Variants in MIPOL1 observed in about 807,000 individuals in gnomAD.
The protein encoded by MIPOL1 is mirror-image polydactyly gene 1 protein.
MIPOL1 carries 57 observed loss-of-function variants against 60.9 expected under a neutral mutation model. The ratio of observed to expected loss-of-function variants is 0.94; its 90% confidence interval spans 0.76 to 1.17. The LOEUF (loss-of-function observed/expected upper bound fraction) is 1.17, where lower values mean the gene tolerates loss of function less well. Among genes scored for constraint, MIPOL1 ranks in the 50% most tolerant of loss-of-function variants. The pLI is 0.00. For synonymous variants in MIPOL1, 179 were observed against 168.8 expected (o/e 1.06, Z -0.47); for missense variants, 551 against 511.6 (o/e 1.08, Z -0.74).
chr14:37,381,758 T>A (rs891914355), intron 10 of MIPOL1, among the ~76,000 whole-genome samples: 28 of 151,798 alleles, frequency 1.8e-4, no homozygotes, highest in African/African-American at 2.7e-4. Flanking sequence ...AATTTTTTTT[T>A]TTTTTATTTT....
At chr14:37,383,078 A>C (rs942411446) in intron 10 of MIPOL1, among the ~76,000 whole-genome samples, 4 of 151,834 alleles carry the variant, frequency 2.6e-5, no homozygotes, top group Admixed American at 1.3e-4. Context: ...TTTTCTTTAG[A>C]AAATGTTAAC....
At chr14:37,449,101 G>C (rs553556774) in intron 11 of MIPOL1, among the ~76,000 whole-genome samples, 2 of 152,294 alleles carry the variant, frequency 1.3e-5, no homozygotes, top group South Asian at 2.1e-4. Flanking sequence ...CACTTGAGAA[G>C]TATTTTTTAC....
At chr14:37,409,448 T>G (rs2093645269) in intron 10 of MIPOL1, among the ~76,000 whole-genome samples, 1 of 152,030 alleles carries the variant, frequency 6.6e-6, no homozygotes, top group Admixed American at 6.5e-5. Flanking sequence ...TATTTAGAAC[T>G]AAAACACTCT....
chr14:37,408,170 C>T (rs1340479496), intron 10 of MIPOL1, among the ~76,000 whole-genome samples: 1 of 152,064 alleles, frequency 6.6e-6, no homozygotes, highest in African/African-American at 2.4e-5. Context: ...CCACACTCAA[C>T]TCTCCTAGTA....
At chr14:37,343,919 A>T (rs893712294) in intron 9 of MIPOL1, among the ~76,000 whole-genome samples, 7 of 152,142 alleles carry the variant, frequency 4.6e-5, no homozygotes, top group African/African-American at 1.7e-4. Context: ...AGCTGGTATC[A>T]TGAATCCTTA....
In MIPOL1 at chr14:37,550,152, A is replaced by G. The variant is rs145752461; in HGVS notation, c.*3181A>G. The stretch of plus-strand genomic sequence containing the variant: ...CAATGATAAAGTTGATCCTTTGTAT[A>G]TTTCCTTATTCAAATAAATTCAGTC... On this transcript the variant is annotated 3_prime_UTR_variant, in exon 13 of 13. Coordinates refer to ENST00000684589, the MANE Select transcript of MIPOL1 (RefSeq NM_001388067.1). 1.8e-4 allele frequency: 27 copies of G among 151,432 alleles called. No homozygotes were observed. The highest frequency in any genetic ancestry group is 5.8e-4 in the African/African-American group (24 of 41,510). The allele number at this position is 151,432 out of a possible 1,614,324, so 9.4% of individuals were successfully genotyped here.
At chr14:37,491,559 T>A (rs2095048581) in intron 11 of MIPOL1, among the ~76,000 whole-genome samples, 1 of 152,190 alleles carries the variant, frequency 6.6e-6, no homozygotes, top group African/African-American at 2.4e-5. Context: ...AGATATTTTT[T>A]AATGCTTCCT....
chr14:37,268,606 C>A, intron 4 of MIPOL1, 52 bp from the exon 5 acceptor site: 1 of 1,422,642 alleles, frequency 7.0e-7, no homozygotes, highest in Non-Finnish European at 9.5e-7. Flanking sequence ...TACAAAATGT[C>A]AAAAAATTAG....
chr14:37,433,909 CAT>C (rs1298572652), intron 11 of MIPOL1, among the ~76,000 whole-genome samples: 2 of 152,174 alleles, frequency 1.3e-5, no homozygotes, highest in African/African-American at 2.4e-5. Flanking sequence ...ATATGTGCTA[CAT>C]TTTCTTTATC....
chr14:37,288,349 G>A (rs1420758196), intron 7 of MIPOL1, among the ~76,000 whole-genome samples: 1 of 152,004 alleles, frequency 6.6e-6, no homozygotes, highest in Non-Finnish European at 1.5e-5. Flanking sequence ...TAGGGAGTGG[G>A]CTGATACAAA....
intron 11 of MIPOL1, among the ~76,000 whole-genome samples, chr14:37,469,094 A>G (rs983740276): frequency 1.3e-5 from 2 of 152,228 alleles, no homozygotes; most frequent in Non-Finnish European, 2.9e-5. Flanking sequence ...GGCAAAGAAC[A>G]ACTGAAAAGA....
chr14:37,469,247 A>G (rs1239128658), intron 11 of MIPOL1, among the ~76,000 whole-genome samples: 1 of 152,188 alleles, frequency 6.6e-6, no homozygotes, highest in African/African-American at 2.4e-5. Flanking sequence ...TGGAGAGGCA[A>G]CAGGAAGTTT....
chr14:37,498,297 C>T (rs2095163856), intron 11 of MIPOL1, among the ~76,000 whole-genome samples: 1 of 151,990 alleles, frequency 6.6e-6, no homozygotes, highest in Non-Finnish European at 1.5e-5. Context: ...TATATATGCA[C>T]TTTGTGTAAT....
chr14:37,403,210 CTG>C (rs879676086), intron 10 of MIPOL1, among the ~76,000 whole-genome samples: 4 of 152,080 alleles, frequency 2.6e-5, no homozygotes, highest in Non-Finnish European at 5.9e-5. Context: ...TTTTGTTCCT[CTG>C]TTTACACATT....
intron 1 of MIPOL1, among the ~76,000 whole-genome samples, chr14:37,207,088 G>A (rs535030639): frequency 6.6e-6 from 1 of 152,252 alleles, no homozygotes; most frequent in African/African-American, 2.4e-5. Flanking sequence ...GAGGAACCAG[G>A]GGCGGAATGA....
intron 11 of MIPOL1, among the ~76,000 whole-genome samples, chr14:37,486,457 C>T (rs1043170432): frequency 3.9e-5 from 6 of 152,172 alleles, no homozygotes; most frequent in African/African-American, 1.4e-4. Context: ...TTCTTCCTAT[C>T]CATGAGCATG....
intron 7 of MIPOL1, among the ~76,000 whole-genome samples, chr14:37,289,905 C>T (rs1321230950): frequency 1.3e-5 from 2 of 152,104 alleles, no homozygotes; most frequent in African/African-American, 2.4e-5. Flanking sequence ...TACAAAAAGA[C>T]ATCACTTTGG....
chr14:37,405,277 C>T (rs941725388), intron 10 of MIPOL1, among the ~76,000 whole-genome samples: 8 of 152,104 alleles, frequency 5.3e-5, no homozygotes, highest in Non-Finnish European at 8.8e-5. Context: ...TTTTCACATG[C>T]TTAGACACTA....
chr14:37,492,657 A>C (rs1183558625), intron 11 of MIPOL1, among the ~76,000 whole-genome samples: 1 of 152,082 alleles, frequency 6.6e-6, no homozygotes, highest in Non-Finnish European at 1.5e-5. Context: ...TCAGTAGGTA[A>C]GTTTTTTTTT....
Sources: allele counts gnomAD v4.1 joint callset (sites outside exome capture counted in the v4.1 genomes callset), GRCh38; gene constraint gnomAD v4.1.1; transcripts MANE v1.5; gene names NCBI Gene and HGNC (gene_info 2026-07-23, HGNC 2026-07-21).